MYCBP2: variants seen among roughly 807,000 people sequenced by gnomAD.
The protein encoded by MYCBP2 is E3 ubiquitin-protein ligase MYCBP2.
In MYCBP2, 120 loss-of-function variants were observed where a neutral mutation model predicts 525.3. The ratio of observed to expected loss-of-function variants is 0.23; its 90% CI spans 0.20 to 0.27. The LOEUF (loss-of-function observed/expected upper bound fraction) is 0.27. Ranked by LOEUF, MYCBP2 falls within the 10% of genes least tolerant of loss-of-function variation. The pLI is 1.00. For synonymous variants in MYCBP2, 1,894 were observed against 1,955.8 expected (o/e 0.97, Z 0.83); for missense variants, 4,149 against 5,657.1 (o/e 0.73, Z 8.55).
intron 3 of MYCBP2, among the ~76,000 whole-genome samples, chr13:77,283,272 C>G (rs2076386778): frequency 6.6e-6 from 1 of 152,144 alleles, no homozygotes; most frequent in South Asian, 2.1e-4. Flanking sequence ...GATTTAGCTT[C>G]CTGCTCTCTC....
rs189884110 is a variant in MYCBP2 at position 77,249,886 on chromosome 13, G to A, written c.2381+1265C>T. On this transcript the variant is annotated intron_variant, in intron 15 of 82. Transcript: ENST00000544440. ...AGAATAAATATTATCCTTTGATAAA[G>A]ACGACTTTATTGCTTATACTAATAA... is the stretch of plus-strand genomic sequence containing the variant. Among the ~76,000 whole-genome samples, 133 of 152,298 alleles carry A rather than the reference G, an allele frequency of 8.7e-4. 2 individuals are homozygous for A. The highest frequency in any genetic ancestry group is 6.8e-4 in the Non-Finnish European group (46 of 68,030).
intron 54 of MYCBP2, among the ~76,000 whole-genome samples, chr13:77,123,166 A>G (rs889581235): frequency 6.6e-6 from 1 of 152,216 alleles, no homozygotes; most frequent in Non-Finnish European, 1.5e-5. Context: ...ATTATCACCA[A>G]TGAACAGACT....
In MYCBP2 at chr13:77,263,724, A is replaced by C; in HGVS notation, c.1497T>G (p.Leu499=). 4 of 1,613,212 alleles carry C rather than the reference A, an allele frequency of 2.5e-6. No individual in the cohort carries two copies. The highest frequency in any genetic ancestry group is 3.4e-6 in the Non-Finnish European group (4 of 1,179,440). ...CATGTAAGCATTTTCTAGCCAGTTTAAGTTGCAATTCTTGCTGTAGAACAG... is the reference window on the plus strand; with the variant it reads ...CATGTAAGCATTTTCTAGCCAGTTTCAGTTGCAATTCTTGCTGTAGAACAG... ...TEPVLQQELQ[L]KLARKCLHAC... The change falls in exon 10 of 83, where the codon CTT becomes CTG. Residue 499 remains leucine, a synonymous_variant. Transcript: ENST00000544440.
chr13:77,098,701 C>G lies in MYCBP2; in HGVS notation c.8453G>C (p.Arg2818Pro). The change falls in exon 56 of 83, where the codon CGG becomes CCG. Residue 2818 changes from arginine (R) to proline (P), a missense_variant. By Grantham distance (103) the Arg-to-Pro change is moderately radical. Around this residue, in one of 21 missense-constraint regions of MYCBP2, gnomAD observed 653 missense variants for 744.7 expected, o/e 0.88. Coordinates refer to ENST00000544440, the MANE Select transcript of MYCBP2 (RefSeq NM_015057.5). ...AGTCTTTGGCTTAGGAGATGACAAC[C>G]GAGAACCTGGTCCTGGGGATTCAGC... ...SRAESPGPGS[R>P]LSSPKPKTLP... 2 of 1,613,452 alleles carry G rather than the reference C, an allele frequency of 1.2e-6. No individual in the cohort carries two copies. Among genetic ancestry groups the G allele is most frequent in the South Asian group, 2.2e-5 (2 of 91,044 alleles).
At chr13:77,048,910 T>C (rs1348359694) in intron 82 of MYCBP2, among the ~76,000 whole-genome samples, 4 of 152,200 alleles carry the variant, frequency 2.6e-5, no homozygotes, top group African/African-American at 7.2e-5. Context: ...TTATTTCTGT[T>C]TTTTAACATA....
intron 51 of MYCBP2, 110 bp from the exon 52 acceptor site, chr13:77,139,446 G>C: frequency 4.1e-6 from 5 of 1,221,128 alleles, no homozygotes; most frequent in Non-Finnish European, 5.5e-6. Flanking sequence ...TGCAGATTAA[G>C]CATCTAGTTT....
rs2061406828 is a variant in MYCBP2, at chr13:77,192,780, G to A, written c.3936-967C>T. Reference sequence around the variant, plus strand: ...ATAAGCTAATGAAGAAATCCTAGACGATTCTCTATAAATGAAACTGTGCTT... The same window carrying A: ...ATAAGCTAATGAAGAAATCCTAGACAATTCTCTATAAATGAAACTGTGCTT... On this transcript the variant is annotated intron_variant, in intron 27 of 82. Coordinates refer to ENST00000544440, the MANE Select transcript of MYCBP2 (RefSeq NM_015057.5). Among the ~76,000 whole-genome samples, 5 of 152,152 alleles carry A rather than the reference G, an allele frequency of 3.3e-5. No homozygotes were observed. The South Asian group carries it at 1.0e-3, about 32-fold the overall frequency.
intron 1 of MYCBP2, among the ~76,000 whole-genome samples, chr13:77,316,962 TG>T (rs1725175234): frequency 6.6e-6 from 1 of 151,758 alleles, no homozygotes; most frequent in South Asian, 2.1e-4. Flanking sequence ...GTTTTTTTTT[TG>T]TTTTGAGATG....
chr13:77,303,458 A>G (rs2079032690), intron 1 of MYCBP2, among the ~76,000 whole-genome samples: 1 of 152,260 alleles, frequency 6.6e-6, no homozygotes, highest in Non-Finnish European at 1.5e-5. Context: ...ACCAAAATAG[A>G]TAATATGCTG....
intron 1 of MYCBP2, among the ~76,000 whole-genome samples, chr13:77,319,132 G>A (rs1433028200): frequency 6.6e-6 from 1 of 152,160 alleles, no homozygotes; most frequent in Admixed American, 6.5e-5. Context: ...GTGTTTGTGT[G>A]TACAGTCCCT....
At chr13:77,200,760 T>A (rs2062427795) in intron 26 of MYCBP2, among the ~76,000 whole-genome samples, 1 of 152,062 alleles carries the variant, frequency 6.6e-6, no homozygotes. Flanking sequence ...AGAAAAGAAT[T>A]TCCAACCCAG....
chr13:77,312,856 G>T (rs1410557492), intron 1 of MYCBP2, among the ~76,000 whole-genome samples: 4 of 151,824 alleles, frequency 2.6e-5, no homozygotes, highest in Non-Finnish European at 5.9e-5. Context: ...TATACTAGTT[G>T]CCTAAGAGGA....
intron 10 of MYCBP2, among the ~76,000 whole-genome samples, 187 bp downstream of exon 10, chr13:77,263,464 T>C (rs1345681819): frequency 6.6e-6 from 1 of 152,042 alleles, no homozygotes; most frequent in African/African-American, 2.4e-5. Flanking sequence ...TATCATACTT[T>C]GTTTAAAGAC....
intron 3 of MYCBP2, among the ~76,000 whole-genome samples, chr13:77,285,760 T>C (rs1489214416): frequency 6.7e-6 from 1 of 148,696 alleles, no homozygotes; most frequent in Non-Finnish European, 1.5e-5. Flanking sequence ...CACTCCAGCC[T>C]GGACAGCAAG....
At chr13:77,319,467 GT>G (rs1445093244) in intron 1 of MYCBP2, among the ~76,000 whole-genome samples, 2 of 152,164 alleles carry the variant, frequency 1.3e-5, no homozygotes, top group Non-Finnish European at 2.9e-5. Context: ...TTAAAATTAA[GT>G]TTTGGGTTGA....
Position 77,158,112 on chromosome 13 carries a change from G to T in MYCBP2, c.6598-3C>A, listed in dbSNP as rs1476698441. ...ATTCCAGAATGGGTTTTGCACACCTGTTAAGTAAAAAAGAATATTTATATA... is the reference window on the plus strand; with the variant it reads ...ATTCCAGAATGGGTTTTGCACACCTTTTAAGTAAAAAAGAATATTTATATA... On this transcript the variant is annotated splice_polypyrimidine_tract_variant and splice_region_variant and intron_variant, in intron 44 of 82. Transcript: ENST00000544440. 2 of 1,539,194 alleles carry T rather than the reference G, an allele frequency of 1.3e-6. No individual in the cohort carries two copies. The highest frequency in any genetic ancestry group is 1.7e-6 in the Non-Finnish European group (2 of 1,148,224).
intron 26 of MYCBP2, among the ~76,000 whole-genome samples, chr13:77,199,541 C>A (rs2062202736): frequency 6.6e-6 from 1 of 152,210 alleles, no homozygotes; most frequent in African/African-American, 2.4e-5. Flanking sequence ...GAGCCCACCA[C>A]AGCTCAAGGA....
chr13:77,303,291 C>T (rs1233325981), intron 1 of MYCBP2, among the ~76,000 whole-genome samples: 1 of 152,236 alleles, frequency 6.6e-6, no homozygotes, highest in Non-Finnish European at 1.5e-5. Context: ...GTAGATCACA[C>T]CACTGTCCTC....
At chr13:77,247,375 A>G (rs1036799488) in intron 15 of MYCBP2, among the ~76,000 whole-genome samples, 2 of 152,228 alleles carry the variant, frequency 1.3e-5, no homozygotes, top group African/African-American at 4.8e-5. Context: ...TACACTTAGT[A>G]ATTAACCAAT....
Sources: gnomAD v4.1 joint callset for allele counts (sites outside exome capture counted in the v4.1 genomes callset) on GRCh38, gnomAD v4.1.1 for gene constraint, gnomAD v4.1.1 regional missense constraint, MANE v1.5 for transcripts, NCBI Gene and HGNC (gene_info 2026-07-23, HGNC 2026-07-21) for gene names.